MTIF2: variants seen among roughly 807,000 people sequenced by gnomAD.
MTIF2 encodes mitochondrial translational initiation factor 2, also known as translation initiation factor IF-2, mitochondrial.
In MTIF2, 71 loss-of-function variants were observed where a neutral mutation model predicts 83.5. The observed-to-expected ratio is 0.85, with a 90% CI of 0.70 to 1.04. MTIF2 has a LOEUF of 1.04. Ranked by LOEUF, MTIF2 falls within the 50% of genes least tolerant of loss-of-function variation. The pLI is 0.00. For missense variants in MTIF2, 957 were observed against 846.5 expected, an observed-to-expected ratio of 1.13 and a Z score of -1.62; for synonymous variants, 319 against 287.1, an observed-to-expected ratio of 1.11 and a Z score of -1.12.
intron 5 of MTIF2, among the ~76,000 whole-genome samples, chr2:55,255,730 CA>C (rs1341291986): frequency 1.3e-5 from 2 of 151,872 alleles, no homozygotes; most frequent in African/African-American, 4.8e-5. Flanking sequence ...AAATAGAATA[CA>C]AAAAGGACAC....
At chr2:55,254,924 A>G (rs1217862575) in intron 5 of MTIF2, 99 bp from the exon 6 acceptor site, 2 of 592,606 alleles carry the variant, frequency 3.4e-6, no homozygotes, top group African/African-American at 3.9e-5. Flanking sequence ...ACTCAATGAG[A>G]GGAATAACTA....
At chr2:55,269,236 G>C (rs955998836), upstream of MTIF2, 1 of 152,270 alleles carries the variant, frequency 6.6e-6, no homozygotes, top group African/African-American at 2.4e-5. Flanking sequence ...AAGAATGGTC[G>C]GTAGGTCAGT....
intron 13 of MTIF2, among the ~76,000 whole-genome samples, chr2:55,242,282 A>G (rs1676380359): frequency 6.6e-6 from 1 of 152,202 alleles, no homozygotes; most frequent in Admixed American, 6.5e-5. Context: ...CCTTTTCAGT[A>G]GTAGAGGTGA....
At chr2:55,267,193 A>G (rs1399329687) in intron 3 of MTIF2, among the ~76,000 whole-genome samples, 1 of 151,828 alleles carries the variant, frequency 6.6e-6, no homozygotes, top group Non-Finnish European at 1.5e-5. Flanking sequence ...AGTTTTGCTC[A>G]TCGCTCAGGC....
rs183500194 is a variant in MTIF2, at chr2:55,242,574, G to T, written c.1705+366C>A. Among the ~76,000 whole-genome samples, 508 of 152,332 alleles carry T rather than the reference G, an allele frequency of 3.3e-3. 1 individual carries two copies. The highest frequency in any genetic ancestry group is 5.0e-3 in the Non-Finnish European group (340 of 68,034). The stretch of plus-strand genomic sequence containing the variant: ...GATGAAGGAAAGAACTGAATAGGGT[G>T]ATTACAGTGTTAGGAACATTCAGAA... On this transcript the variant is annotated intron_variant, in intron 13 of 15. Coordinates refer to ENST00000263629, the MANE Select transcript of MTIF2 (RefSeq NM_002453.3).
chr2:55,241,020 A>G (rs1236359139), intron 13 of MTIF2, among the ~76,000 whole-genome samples: 5 of 152,296 alleles, frequency 3.3e-5, no homozygotes, highest in African/African-American at 9.6e-5. Flanking sequence ...AGCAAGTTTC[A>G]TGGAGCTGAC....
At chr2:55,250,573 A>G (rs1222859949) in intron 8 of MTIF2, among the ~76,000 whole-genome samples, 2 of 152,218 alleles carry the variant, frequency 1.3e-5, no homozygotes, top group Non-Finnish European at 2.9e-5. Context: ...TAGGACTTAT[A>G]CTATTTATTC....
In MTIF2 at chr2:55,262,320, G is replaced by T; in HGVS notation, c.327C>A (p.Asn109Lys). The change falls in exon 5 of 16, where the codon AAC (asparagine) becomes AAA (lysine). Residue 109 changes from asparagine (N) to lysine (K), a missense_variant. Coordinates refer to ENST00000263629, the MANE Select transcript of MTIF2 (RefSeq NM_002453.3). ...IEELARAMEK[N>K]TDYVYEALLN... ...TTGTAAAAATATCTGACTCACCTGT[G>T]TTTTTTTCCATTGCCCTGGCCAGTT... 6.2e-7 allele frequency: 1 copy of T among 1,606,366 alleles called. No individual in the cohort carries two copies. Among genetic ancestry groups the T allele is most frequent in the Non-Finnish European group, 8.5e-7 (1 of 1,174,466 alleles).
intron 9 of MTIF2, 65 bp from the exon 10 acceptor site, chr2:55,246,526 G>A (rs1237095092): frequency 1.4e-6 from 2 of 1,386,790 alleles, no homozygotes; most frequent in African/African-American, 1.4e-5. Flanking sequence ...TAAATGCCAG[G>A]GACAGAAAGT....
At chr2:55,239,518 AC>A (rs1362161760) in intron 14 of MTIF2, among the ~76,000 whole-genome samples, 1 of 152,168 alleles carries the variant, frequency 6.6e-6, no homozygotes, top group Non-Finnish European at 1.5e-5. Flanking sequence ...CACAAAATCT[AC>A]GTGGGGAGGA....
At chr2:55,257,748 T>G (rs540083965) in intron 5 of MTIF2, among the ~76,000 whole-genome samples, 1 of 152,176 alleles carries the variant, frequency 6.6e-6, no homozygotes, top group Non-Finnish European at 1.5e-5. Flanking sequence ...ACACAGGTAA[T>G]TGTAAAATGC....
rs1255145564 is a variant in MTIF2, at chr2:55,252,567, C to A, written c.751G>T (p.Val251Phe). 8.7e-6 allele frequency: 14 copies of A among 1,614,104 alleles called. No individual in the cohort carries two copies. The highest frequency in any genetic ancestry group is 1.2e-5 in the Non-Finnish European group (14 of 1,179,964). ...ACAACCAATACGACAATGTCAGTGA[C>A]CTGAGCACCTCTGGCTCTCATTGCT... ...FSAMRARGAQ[V>F]TDIVVLVVAA... is the part of the protein sequence containing the mutation. Residue 251 changes from valine (V) to phenylalanine (F), a missense_variant, in exon 8 of 16, where the codon GTC becomes TTC. By Grantham distance (50) the Val-to-Phe change is conservative. Coordinates refer to ENST00000263629, the MANE Select transcript of MTIF2 (RefSeq NM_002453.3).
intron 3 of MTIF2, among the ~76,000 whole-genome samples, chr2:55,264,219 T>G (rs1035401018): frequency 6.6e-6 from 1 of 152,220 alleles, no homozygotes; most frequent in South Asian, 2.1e-4. Flanking sequence ...ACATTTCTGT[T>G]AAACACCCTG....
At chr2:55,247,122 T>C (rs1676755188) in intron 9 of MTIF2, among the ~76,000 whole-genome samples, 1 of 152,208 alleles carries the variant, frequency 6.6e-6, no homozygotes, top group Non-Finnish European at 1.5e-5. Flanking sequence ...TTACCTTTCA[T>C]GGTCTATGTT....
chr2:55,255,332 T>C (rs1386999582), intron 5 of MTIF2, among the ~76,000 whole-genome samples: 2 of 149,146 alleles, frequency 1.3e-5, no homozygotes, highest in African/African-American at 2.4e-5. Context: ...CATCAACTGA[T>C]CAACACATAA....
At chr2:55,262,679 A>T (rs1383438506) in intron 4 of MTIF2, among the ~76,000 whole-genome samples, 4 of 150,248 alleles carry the variant, frequency 2.7e-5, no homozygotes, top group Non-Finnish European at 5.9e-5. Flanking sequence ...AGTAGCTGGG[A>T]TTACAGGTGT....
In MTIF2 at chr2:55,243,601, A is replaced by T; in HGVS notation, c.1379T>A (p.Leu460Gln). ...EQEQEKGQED[L>Q]KIIEEKRKEH... is the part of the protein sequence containing the mutation. ...CTTTCGCTTTTCTTCTATTATTTTC[A>T]GATCCTCCTGACCTTTCTCCTGTTC... The change falls in exon 12 of 16, where the codon CTG (leucine) becomes CAG (glutamine). Residue 460 changes from leucine (L) to glutamine (Q), a missense_variant. Physicochemically the swap from Leu to Gln is moderately radical, Grantham distance 113. This residue lies in a region of MTIF2 where 733 missense variants were observed against 648.7 expected (regional missense o/e 1.13). Coordinates refer to ENST00000263629, the MANE Select transcript of MTIF2 (RefSeq NM_002453.3). 1.2e-6 allele frequency: 2 copies of T among 1,613,968 alleles called. No homozygotes were observed. The highest frequency in any genetic ancestry group is 1.7e-6 in the Non-Finnish European group (2 of 1,179,994).
chr2:55,238,540 C>T (rs1241571497), intron 14 of MTIF2, among the ~76,000 whole-genome samples: 2 of 151,880 alleles, frequency 1.3e-5, no homozygotes, highest in East Asian at 1.9e-4. Flanking sequence ...TACAGGAATG[C>T]GCCACCACGC....
intron 14 of MTIF2, 94 bp from the exon 15 acceptor site, chr2:55,237,522 G>A (rs1675943194): frequency 3.3e-6 from 4 of 1,228,628 alleles, no homozygotes; most frequent in Non-Finnish European, 4.2e-6. Flanking sequence ...TTAAAGGTAT[G>A]ACAAAAATCC....
Sources: gnomAD v4.1 joint callset for allele counts (sites outside exome capture counted in the v4.1 genomes callset) on GRCh38, gnomAD v4.1.1 for gene constraint, gnomAD v4.1.1 regional missense constraint, MANE v1.5 for transcripts, NCBI Gene and HGNC (gene_info 2026-07-23, HGNC 2026-07-21) for gene names.